GRK3: variants seen among roughly 807,000 people sequenced by gnomAD.
GRK3 encodes the protein adrenergic, beta, receptor kinase 2.
GRK3 carries 54 observed loss-of-function variants against 95.7 expected under a neutral mutation model. The observed-to-expected ratio is 0.56, with a 90% CI of 0.45 to 0.71. The LOEUF (loss-of-function observed/expected upper bound fraction) is 0.71, where lower values mean the gene tolerates loss of function less well. Ranked by LOEUF, GRK3 falls within the 30% of genes least tolerant of loss-of-function variation. The probability of loss-of-function intolerance (pLI) is 0.00; values close to 1 mark genes in which losing one functional copy is unlikely to be tolerated. For synonymous variants in GRK3, 281 were observed against 290.8 expected (o/e 0.97, Z 0.34); for missense variants, 649 against 851.2 (o/e 0.76, Z 2.96).
At chr22:25,682,239 G>A (rs961623413) in intron 9 of GRK3, among the ~76,000 whole-genome samples, 6 of 152,198 alleles carry the variant, frequency 3.9e-5, no homozygotes, top group African/African-American at 1.2e-4. Context: ...AAGGGACAGT[G>A]GCCTGTGGAG....
intron 3 of GRK3, chr22:25,647,562 T>A (rs1220185345): frequency 6.4e-7 from 1 of 1,561,894 alleles, no homozygotes; most frequent in Non-Finnish European, 8.8e-7. Flanking sequence ...TGGCCTTATA[T>A]GATTATGAAG....
Position 25,565,596 on chromosome 22 carries a change from C to T in GRK3, c.113+443C>T, listed in dbSNP as rs913031521. On this transcript the variant is annotated intron_variant, in intron 1 of 20. Transcript: ENST00000324198. ...GCTCCTTCTTCCCGGGCTCATTGGT[C>T]CCCCTTTCCAACTCCATCCTCTCAC... Among the ~76,000 whole-genome samples the T allele has an allele frequency of 3.3e-5, 5 of 152,154 alleles. No homozygotes were observed. The East Asian group carries it at 7.7e-4, about 23-fold the overall frequency.
intron 2 of GRK3, among the ~76,000 whole-genome samples, chr22:25,641,215 C>T (rs1440354720): frequency 6.6e-6 from 1 of 152,222 alleles, no homozygotes; most frequent in African/African-American, 2.4e-5. Flanking sequence ...GCTTATTCTA[C>T]TGACCGACAA....
At chr22:25,590,759 T>A (rs1932463652) in intron 1 of GRK3, among the ~76,000 whole-genome samples, 2 of 152,078 alleles carry the variant, frequency 1.3e-5, no homozygotes, top group South Asian at 4.1e-4. Context: ...AGGTGGAGGT[T>A]GCGCCACTGC....
At chr22:25,679,813 A>G (rs925606044) in intron 9 of GRK3, among the ~76,000 whole-genome samples, 3 of 152,186 alleles carry the variant, frequency 2.0e-5, no homozygotes, top group Non-Finnish European at 4.4e-5. Context: ...GAAACCGTAG[A>G]TACTCCAGCC....
intron 3 of GRK3, among the ~76,000 whole-genome samples, chr22:25,660,974 C>T (rs956895709): frequency 5.9e-5 from 9 of 152,256 alleles, no homozygotes; most frequent in Non-Finnish European, 8.8e-5. Context: ...GCAAAATACA[C>T]GATTTGAAGT....
At chr22:25,620,050 G>A (rs1438949744) in intron 2 of GRK3, among the ~76,000 whole-genome samples, 1 of 148,500 alleles carries the variant, frequency 6.7e-6, no homozygotes. Context: ...GTGTGTGTGT[G>A]TGTGTGTGGT....
intron 9 of GRK3, among the ~76,000 whole-genome samples, chr22:25,682,007 C>A (rs1278852428): frequency 6.6e-6 from 1 of 152,084 alleles, no homozygotes; most frequent in Non-Finnish European, 1.5e-5. Flanking sequence ...CTGTTCAGCA[C>A]CCCGAGAGGT....
At chr22:25,577,128 A>T (rs1931928096) in intron 1 of GRK3, among the ~76,000 whole-genome samples, 1 of 151,994 alleles carries the variant, frequency 6.6e-6, no homozygotes, top group South Asian at 2.1e-4. Flanking sequence ...TTGGTAAATG[A>T]GTATCCTTGA....
intron 2 of GRK3, among the ~76,000 whole-genome samples, chr22:25,637,883 C>G (rs2146375306): frequency 6.6e-6 from 1 of 152,336 alleles, no homozygotes; most frequent in East Asian, 1.9e-4. Flanking sequence ...TGGAGGCAGT[C>G]TGCTGGGAAA....
intron 1 of GRK3, among the ~76,000 whole-genome samples, chr22:25,578,385 A>G (rs974878094): frequency 1.1e-4 from 16 of 152,170 alleles, no homozygotes; most frequent in Non-Finnish European, 1.8e-4. Flanking sequence ...AAAGTGAGAC[A>G]CCCTGAACAT....
Position 25,670,516 on chromosome 22 carries a change from A to T in GRK3, c.504-1780A>T, listed in dbSNP as rs1461705439. Among the ~76,000 whole-genome samples, 5 of 151,922 alleles carry T rather than the reference A, an allele frequency of 3.3e-5. No homozygotes were observed. In the East Asian group the frequency reaches 9.6e-4, roughly 29 times the overall value. On this transcript the variant is annotated intron_variant, in intron 6 of 20. Transcript: ENST00000324198. ...ACCCTGTCTCCAAAAGAAAAAAAAAAATTGTAAAGCTCATTAAATGAAGCC... is the reference window on the plus strand; with the variant it reads ...ACCCTGTCTCCAAAAGAAAAAAAAATATTGTAAAGCTCATTAAATGAAGCC...
At chr22:25,644,143 TTTTG>T (rs1252163784) in intron 2 of GRK3, among the ~76,000 whole-genome samples, 56 of 146,948 alleles carry the variant, frequency 3.8e-4, no homozygotes, top group African/African-American at 1.0e-3. Context: ...GTGTTTTTTT[TTTTG>T]TTTGTTTGTT....
At chr22:25,649,159 T>G in intron 3 of GRK3, 1 of 1,399,270 alleles carries the variant, frequency 7.1e-7, no homozygotes, top group South Asian at 1.2e-5. Flanking sequence ...AGACCAACAT[T>G]TGAATATGTT....
At chr22:25,603,409 A>G (rs749439395) in intron 1 of GRK3, among the ~76,000 whole-genome samples, 105 of 152,040 alleles carry the variant, frequency 6.9e-4, no homozygotes, top group Non-Finnish European at 1.3e-3. Context: ...TCCTTTCCCC[A>G]TTTTTCTGAC....
chr22:25,569,464 AG>A lies in GRK3; in HGVS notation c.113+4312del, dbSNP rs563084999. 6.2e-4 allele frequency among the ~76,000 whole-genome samples: 95 copies of A among 152,348 alleles called. 1 individual carries two copies. Among genetic ancestry groups the A allele is most frequent in the Admixed American group, 1.8e-3 (27 of 15,302 alleles). On this transcript the variant is annotated intron_variant, in intron 1 of 20. Transcript: ENST00000324198. ...AAATGCTTCGAATCGAGAGCCTCAT[AG>A]ATCTCTCTGAGGTACAGGCAGTCCC...
chr22:25,604,868 G>C (rs1053615860), intron 2 of GRK3, among the ~76,000 whole-genome samples: 5 of 152,154 alleles, frequency 3.3e-5, no homozygotes, highest in African/African-American at 1.2e-4. Flanking sequence ...CTCAATTTGT[G>C]CTCTGTTTCC....
chr22:25,637,381 C>T (rs2084710119), intron 2 of GRK3, among the ~76,000 whole-genome samples: 2 of 152,196 alleles, frequency 1.3e-5, no homozygotes, highest in African/African-American at 4.8e-5. Flanking sequence ...ATATGTTTCT[C>T]TGGAGAACCC....
At chr22:25,604,563 G>A in intron 2 of GRK3, 110 bp downstream of exon 2, 1 of 583,810 alleles carries the variant, frequency 1.7e-6, no homozygotes, top group Non-Finnish European at 2.8e-6. Flanking sequence ...CTATAGCTGT[G>A]GCTGGGAATA....
Sources: allele counts gnomAD v4.1 joint callset (sites outside exome capture counted in the v4.1 genomes callset), GRCh38; gene constraint gnomAD v4.1.1; transcripts MANE v1.5; gene names NCBI Gene and HGNC (gene_info 2026-07-23, HGNC 2026-07-21).